Variants in GUCY1A2 observed in about 807,000 individuals in gnomAD.
GUCY1A2 encodes guanylate cyclase soluble subunit alpha-2.
GUCY1A2 carries 27 observed loss-of-function variants against 63.5 expected under a neutral mutation model. The observed-to-expected ratio is 0.43, with a 90% CI of 0.31 to 0.59. The LOEUF is 0.59. Ranked by LOEUF, GUCY1A2 falls within the 20% of genes least tolerant of loss-of-function variation. The pLI is 0.11. For missense variants in GUCY1A2, 768 were observed against 913.3 expected (o/e 0.84, Z 2.05); for synonymous variants, 364 against 343.5 (o/e 1.06, Z -0.66).
intron 4 of GUCY1A2, among the ~76,000 whole-genome samples, chr11:106,907,293 A>G (rs1860223893): frequency 6.6e-6 from 1 of 151,948 alleles, no homozygotes; most frequent in African/African-American, 2.4e-5. Flanking sequence ...GCTTACTCCC[A>G]AATACATTCA....
chr11:106,913,830 G>A (rs1860328766), intron 4 of GUCY1A2, among the ~76,000 whole-genome samples: 1 of 151,800 alleles, frequency 6.6e-6, no homozygotes, highest in African/African-American at 2.4e-5. Context: ...TTCCTATAGG[G>A]GAAAATACCT....
At position 106,939,847 on chromosome 11, in the gene GUCY1A2, A is replaced by T. The variant is rs1205662048; in HGVS notation, c.819T>A (p.Asn273Lys). 6.2e-7 allele frequency: 1 copy of T among 1,613,852 alleles called. No homozygotes were observed. The highest frequency in any genetic ancestry group is 2.2e-5 in the East Asian group (1 of 44,886). ...RLDVEVEQVA[N>K]EKLCSDVSNP... ...TTGAAACATCAGAGCATAGCTTCTCATTTGCAACCTGTTCCACTTCCACAT... is the reference window on the plus strand; with the variant it reads ...TTGAAACATCAGAGCATAGCTTCTCTTTTGCAACCTGTTCCACTTCCACAT... The change falls in exon 4 of 8, where the codon AAT (asparagine) becomes AAA (lysine). Residue 273 changes from asparagine to lysine, a missense_variant. Asn to Lys is a moderately conservative substitution (Grantham distance 94, BLOSUM62 0). This residue lies in a region of GUCY1A2 where 496 missense variants were observed against 486.9 expected (regional missense o/e 1.02). Coordinates refer to ENST00000526355, the MANE Select transcript of GUCY1A2 (RefSeq NM_000855.3).
chr11:107,011,389 C>G (rs1861741960), intron 1 of GUCY1A2, among the ~76,000 whole-genome samples: 1 of 151,492 alleles, frequency 6.6e-6, no homozygotes, highest in Admixed American at 6.6e-5. Context: ...AACAAAAAGA[C>G]TAATGATGAC....
chr11:106,868,858 A>G (rs1360652179), intron 4 of GUCY1A2, among the ~76,000 whole-genome samples: 2 of 152,218 alleles, frequency 1.3e-5, no homozygotes, highest in Non-Finnish European at 2.9e-5. Context: ...TTCAAACCAT[A>G]CTACAAGGCT....
intron 7 of GUCY1A2, among the ~76,000 whole-genome samples, chr11:106,708,048 T>G (rs1862947602): frequency 6.6e-6 from 1 of 152,008 alleles, no homozygotes; most frequent in Admixed American, 6.6e-5. Flanking sequence ...CGTAAAACAC[T>G]TGTGGTCCCA....
chr11:107,009,270 GA>G (rs971886897), intron 1 of GUCY1A2, among the ~76,000 whole-genome samples: 96 of 149,774 alleles, frequency 6.4e-4, no homozygotes, highest in African/African-American at 2.1e-3. Flanking sequence ...TTTCTTTCTA[GA>G]AAAAAAAAAT....
chr11:106,829,567 G>A (rs900160227), intron 4 of GUCY1A2, among the ~76,000 whole-genome samples: 1 of 152,166 alleles, frequency 6.6e-6, no homozygotes, highest in Non-Finnish European at 1.5e-5. Context: ...TGATTAGATT[G>A]AAGGATGCAA....
intron 4 of GUCY1A2, among the ~76,000 whole-genome samples, chr11:106,881,422 G>A (rs185122322): frequency 2.6e-3 from 398 of 151,978 alleles, no homozygotes; most frequent in African/African-American, 9.0e-3. Context: ...AGTTCTTCAA[G>A]ATCCAGAATG....
intron 4 of GUCY1A2, among the ~76,000 whole-genome samples, chr11:106,885,935 A>T (rs1343076735): frequency 6.6e-6 from 1 of 152,202 alleles, no homozygotes; most frequent in Non-Finnish European, 1.5e-5. Flanking sequence ...GCTCACACAC[A>T]TATATCCCCC....
chr11:106,998,800 A>T (rs1484578591), intron 1 of GUCY1A2, among the ~76,000 whole-genome samples: 1 of 152,124 alleles, frequency 6.6e-6, no homozygotes, highest in Non-Finnish European at 1.5e-5. Context: ...AGTTCATTAA[A>T]AAAAAAACAG....
chr11:106,828,262 T>G (rs1187875740), intron 4 of GUCY1A2, among the ~76,000 whole-genome samples: 1 of 151,296 alleles, frequency 6.6e-6, no homozygotes, highest in Non-Finnish European at 1.5e-5. Flanking sequence ...CATCATAAAT[T>G]ATTTGACTAG....
intron 4 of GUCY1A2, among the ~76,000 whole-genome samples, chr11:106,888,887 G>A (rs920610006): frequency 1.8e-4 from 27 of 152,000 alleles, no homozygotes; most frequent in African/African-American, 6.5e-4. Context: ...TTGAGGACAG[G>A]AAGACCAGGG....
At position 106,682,714 on chromosome 11, in the gene GUCY1A2, A is replaced by G. The variant is rs1862452094; in HGVS notation, c.*4835T>C. The G allele has an allele frequency of 4.7e-6, 1 of 210,954 alleles. No homozygotes were observed. Among genetic ancestry groups the G allele is most frequent in the African/African-American group, 2.3e-5 (1 of 44,130 alleles). 13.1% of individuals were successfully genotyped at this position (210,954 alleles called of 1,614,324 possible). ...AAACACAGATGCATACACACAAACT[A>G]AAAATATTAATCACTTTATAAAACT... On this transcript the variant is annotated 3_prime_UTR_variant, in exon 8 of 8. Transcript: ENST00000526355.
At chr11:106,986,027 T>C in intron 2 of GUCY1A2, 43 bp downstream of exon 2, 2 of 972,530 alleles carry the variant, frequency 2.1e-6, no homozygotes, top group South Asian at 1.3e-5. Flanking sequence ...AGTAATTACC[T>C]TTAATTTGTC....
chr11:106,729,276 G>A (rs12792664), intron 6 of GUCY1A2, among the ~76,000 whole-genome samples: 3,526 of 152,146 alleles, frequency 0.023, 77 homozygotes, highest in South Asian at 0.042. Flanking sequence ...TCTTACTGCC[G>A]TTATCCAATA....
At chr11:106,803,688 T>C (rs1213105266) in intron 5 of GUCY1A2, among the ~76,000 whole-genome samples, 1 of 152,198 alleles carries the variant, frequency 6.6e-6, no homozygotes, top group Non-Finnish European at 1.5e-5. Context: ...AATAAAACTA[T>C]AAAGTGATAA....
chr11:106,823,646 C>T (rs1858930923), intron 4 of GUCY1A2, among the ~76,000 whole-genome samples: 1 of 152,110 alleles, frequency 6.6e-6, no homozygotes, highest in Non-Finnish European at 1.5e-5. Context: ...TGAGCTATTT[C>T]CATACCGTCT....
Position 106,686,518 on chromosome 11 carries a change from GA to G in GUCY1A2, c.*1030del, listed in dbSNP as rs1862528828. 2 of 216,288 alleles carry G rather than the reference GA, an allele frequency of 9.2e-6. No individual in the cohort carries two copies. Among genetic ancestry groups the G allele is most frequent in the Non-Finnish European group, 1.9e-5 (2 of 107,338 alleles). 13.4% of individuals were successfully genotyped at this position (216,288 alleles called of 1,614,324 possible). A position where few individuals can be genotyped will look rare whatever the true frequency, so the allele number is the denominator to read the frequency against. ...CCAGTATCCAGGAATTTGTTCTCAA[GA>G]ATAGCAGTCGGCTCTTAGGAGGCAT... On this transcript the variant is annotated 3_prime_UTR_variant, in exon 8 of 8. Coordinates refer to ENST00000526355, the MANE Select transcript of GUCY1A2 (RefSeq NM_000855.3).
intron 6 of GUCY1A2, among the ~76,000 whole-genome samples, chr11:106,719,253 T>C (rs1409645353): frequency 6.6e-6 from 1 of 152,106 alleles, no homozygotes. Flanking sequence ...GGAAAATCAT[T>C]TTCTGTCAAA....
Sources: gnomAD v4.1 joint callset for allele counts (sites outside exome capture counted in the v4.1 genomes callset) on GRCh38, gnomAD v4.1.1 for gene constraint, gnomAD v4.1.1 regional missense constraint, MANE v1.5 for transcripts, NCBI Gene and HGNC (gene_info 2026-07-23, HGNC 2026-07-21) for gene names.